SLC15A4: variants seen among roughly 807,000 people sequenced by gnomAD.
The protein encoded by SLC15A4 is solute carrier family 15 member 4, also known as hPHT1.
A neutral mutation model predicts 46.1 loss-of-function variants in SLC15A4; 26 were observed. That is an observed-to-expected ratio of 0.56 (90% CI 0.41 to 0.78). SLC15A4 has a LOEUF of 0.78. Ranked by LOEUF, SLC15A4 falls within the 30% of genes least tolerant of loss-of-function variation. The pLI is 0.00. For synonymous variants in SLC15A4, 370 were observed against 333.4 expected (o/e 1.11, Z -1.20); for missense variants, 751 against 755.7 (o/e 0.99, Z 0.07).
At chr12:128,819,462 C>T (rs1955805363) in intron 1 of SLC15A4, 1 of 152,164 alleles carries the variant, frequency 6.6e-6, no homozygotes, top group Non-Finnish European at 1.5e-5. Flanking sequence ...AATTTCACCC[C>T]CAAAATTTCA....
chr12:128,821,002 A>G (rs1955827988), intron 1 of SLC15A4, among the ~76,000 whole-genome samples: 1 of 152,140 alleles, frequency 6.6e-6, no homozygotes, highest in Non-Finnish European at 1.5e-5. Flanking sequence ...GTCGTTTACA[A>G]GCCTGGCACC....
chr12:128,806,902 C>CTTTTTT (rs34407311), intron 5 of SLC15A4, among the ~76,000 whole-genome samples: 10 of 108,318 alleles, frequency 9.2e-5, no homozygotes, highest in Non-Finnish European at 1.6e-4. Flanking sequence ...TTTGCTAGCG[C>CTTTTTT]TTTTTTTTTT....
At chr12:128,812,262 G>A (rs1403158809) in intron 2 of SLC15A4, among the ~76,000 whole-genome samples, 1 of 152,152 alleles carries the variant, frequency 6.6e-6, no homozygotes, top group African/African-American at 2.4e-5. Flanking sequence ...TGTCACAACT[G>A]TAAAAATGTT....
At chr12:128,804,765 A>G (rs894249856) in intron 5 of SLC15A4, among the ~76,000 whole-genome samples, 1 of 152,168 alleles carries the variant, frequency 6.6e-6, no homozygotes, top group African/African-American at 2.4e-5. Context: ...CTTCTCAGAG[A>G]GGTAATGGAC....
At chr12:128,810,415 C>G (rs1955641949) in intron 2 of SLC15A4, 2 of 327,896 alleles carry the variant, frequency 6.1e-6, no homozygotes, top group African/African-American at 4.3e-5. Context: ...AGAGCCCCAG[C>G]GCAGCTGCCA....
chr12:128,822,943 T>C (rs969652206), intron 1 of SLC15A4, among the ~76,000 whole-genome samples: 3 of 152,126 alleles, frequency 2.0e-5, no homozygotes, highest in Non-Finnish European at 4.4e-5. Flanking sequence ...CCGAAACTCG[T>C]AGGCTCAAGG....
chr12:128,817,218 A>G (rs906178728), intron 1 of SLC15A4, among the ~76,000 whole-genome samples: 2 of 152,228 alleles, frequency 1.3e-5, no homozygotes, highest in African/African-American at 4.8e-5. Flanking sequence ...AAAGAGTTTG[A>G]GGTGAGAACT....
intron 1 of SLC15A4, among the ~76,000 whole-genome samples, chr12:128,816,235 G>A (rs1246863225): frequency 6.6e-6 from 1 of 152,226 alleles, no homozygotes; most frequent in Non-Finnish European, 1.5e-5. Flanking sequence ...AGACACACCA[G>A]AAGCCTTCTC....
chr12:128,821,694 T>A (rs1401382317), intron 1 of SLC15A4, among the ~76,000 whole-genome samples: 1 of 152,010 alleles, frequency 6.6e-6, no homozygotes, highest in Non-Finnish European at 1.5e-5. Context: ...AAGACCATCC[T>A]GGCCAACACG....
rs202110778 is a variant in SLC15A4, at chr12:128,799,286, C to T, written c.1546G>A (p.Gly516Arg). The change falls in exon 7 of 8, where the codon GGA (glycine) becomes AGA (arginine). Residue 516 changes from glycine (G) to arginine (R), a missense_variant. By Grantham distance (125) the Gly-to-Arg change is moderately radical (BLOSUM62 -2). Transcript: ENST00000266771. ...LLALVSIKAI[G>R]WMSSHTDFGN... Reference sequence around the variant, plus strand: ...AAGTCTGTGTGACTGCTCATCCATCCGATGGCTTTGATAGACACCAGTGCC... The same window carrying T: ...AAGTCTGTGTGACTGCTCATCCATCTGATGGCTTTGATAGACACCAGTGCC... 4.6e-5 allele frequency: 74 copies of T among 1,614,092 alleles called. 1 individual carries two copies. The East Asian group carries it at 1.5e-3, about 32-fold the overall frequency.
rs371276091 is a variant in SLC15A4, at chr12:128,809,939, T to C, written c.1011+4A>G. On this transcript the variant is annotated splice_donor_region_variant and intron_variant, in intron 3 of 7. Coordinates refer to ENST00000266771, the MANE Select transcript of SLC15A4 (RefSeq NM_145648.4). ...GGAAATTAAACCTGTTTGTCACCAC[T>C]CACTTGGAAATACACTGTCCAGTAA... is the stretch of plus-strand genomic sequence containing the variant. 6.2e-7 allele frequency: 1 copy of C among 1,609,110 alleles called. No individual in the cohort carries two copies. The highest frequency in any genetic ancestry group is 1.3e-5 in the African/African-American group (1 of 74,680).
intron 1 of SLC15A4, among the ~76,000 whole-genome samples, chr12:128,816,610 C>T (rs948618755): frequency 1.3e-5 from 2 of 152,132 alleles, no homozygotes; most frequent in Non-Finnish European, 2.9e-5. Flanking sequence ...GCAGGCAGAC[C>T]GCTTGGGTCT....
chr12:128,809,132 TG>T lies in SLC15A4; in HGVS notation c.1090-177del, dbSNP rs1358270870. The stretch of plus-strand genomic sequence containing the variant: ...GAAAAGATTTCTTTCCAAATGAATC[TG>T]CATTTGCTTTTCTGTGTTTTGAGGG... On this transcript the variant is annotated intron_variant, in intron 4 of 7. Transcript: ENST00000266771. 6.1e-6 allele frequency: 4 copies of T among 656,378 alleles called. No individual in the cohort carries two copies. In the African/African-American group the frequency reaches 7.3e-5, roughly 12 times the overall value. The allele number at this position is 656,378 out of a possible 1,614,324, so 40.7% of individuals were successfully genotyped here.
At chr12:128,801,166 C>G (rs577956963) in intron 5 of SLC15A4, 157 bp from the exon 6 acceptor site, 1 of 643,572 alleles carries the variant, frequency 1.6e-6, no homozygotes, top group South Asian at 2.1e-5. Flanking sequence ...AATAGGCCCC[C>G]AGCCTTCAGC....
At chr12:128,809,348 T>C (rs751520937) in intron 4 of SLC15A4, 48 bp downstream of exon 4, 1 of 1,226,736 alleles carries the variant, frequency 8.2e-7, no homozygotes, top group Non-Finnish European at 1.2e-6. Context: ...ATCCATTTAT[T>C]ACATAAGTCC....
At chr12:128,810,791 C>A (rs1337971506) in intron 2 of SLC15A4, among the ~76,000 whole-genome samples, 1 of 152,102 alleles carries the variant, frequency 6.6e-6, no homozygotes, top group African/African-American at 2.4e-5. Flanking sequence ...CCCATGTGCT[C>A]CCTCATTAAC....
rs372215955 is a variant in SLC15A4, at chr12:128,795,321, A to C, written c.1574-965T>G. Among the ~76,000 whole-genome samples, 4 of 152,300 alleles carry C rather than the reference A, an allele frequency of 2.6e-5. No individual in the cohort carries two copies. The East Asian group carries it at 7.7e-4, about 29-fold the overall frequency. ...ACAAGCAGATACCTCTGCATACTTT[A>C]ATACAAAGAGTTAGCATACACTGAA... On this transcript the variant is annotated intron_variant, in intron 7 of 7. Coordinates refer to ENST00000266771, the MANE Select transcript of SLC15A4 (RefSeq NM_145648.4).
intron 5 of SLC15A4, among the ~76,000 whole-genome samples, chr12:128,807,531 G>C (rs1307516464): frequency 6.6e-6 from 1 of 152,204 alleles, no homozygotes; most frequent in Non-Finnish European, 1.5e-5. Flanking sequence ...CGGGGGGAGA[G>C]AGAGGTCTGA....
intron 1 of SLC15A4, 91 bp from the exon 2 acceptor site, chr12:128,815,161 G>C (rs1208441842): frequency 1.5e-5 from 19 of 1,239,572 alleles, no homozygotes; most frequent in Non-Finnish European, 6.8e-6. Context: ...AATTACCGTT[G>C]TCATCACAAC....
Sources: gnomAD v4.1 joint callset for allele counts (sites outside exome capture counted in the v4.1 genomes callset) on GRCh38, gnomAD v4.1.1 for gene constraint, MANE v1.5 for transcripts, NCBI Gene and HGNC (gene_info 2026-07-23, HGNC 2026-07-21) for gene names.